The following STK32A variants were observed in gnomAD, a reference collection of about 807,000 sequenced individuals.
STK32A encodes the protein serine/threonine-protein kinase 32A.
In STK32A, 41 loss-of-function variants were observed where a neutral mutation model predicts 53.2. The observed-to-expected ratio is 0.77, with a 90% CI of 0.60 to 1.00. The LOEUF (loss-of-function observed/expected upper bound fraction) is 1.00. Among genes scored for constraint, STK32A ranks in the 50% least tolerant of loss-of-function variants. STK32A has a pLI of 0.00. For missense variants in STK32A, 458 were observed against 485.8 expected (o/e 0.94, Z 0.54); for synonymous variants, 166 against 162.8 (o/e 1.02, Z -0.15).
chr5:147,293,646 A>G (rs1237262241), intron 4 of STK32A, among the ~76,000 whole-genome samples: 1 of 152,062 alleles, frequency 6.6e-6, no homozygotes, highest in East Asian at 1.9e-4. Context: ...AAGATTTCAA[A>G]AGCAAAAACT....
intron 11 of STK32A, among the ~76,000 whole-genome samples, chr5:147,380,417 C>T (rs1757406097): frequency 6.6e-6 from 1 of 151,926 alleles, no homozygotes; most frequent in African/African-American, 2.4e-5. Flanking sequence ...TAAACAGGCA[C>T]TCTGAAAGAA....
intron 7 of STK32A, among the ~76,000 whole-genome samples, chr5:147,360,641 A>G (rs1178758479): frequency 1.3e-5 from 2 of 152,190 alleles, no homozygotes; most frequent in African/African-American, 4.8e-5. Flanking sequence ...AATGATCACA[A>G]CTATTGCTTG....
At position 147,351,062 on chromosome 5, in the gene STK32A, C is replaced by A. The variant is rs114150264; in HGVS notation, c.473-3C>A. On this transcript the variant is annotated splice_polypyrimidine_tract_variant and splice_region_variant and intron_variant, in intron 6 of 12. Coordinates refer to ENST00000397936, the MANE Select transcript of STK32A (RefSeq NM_001112724.2). ...TTTCTGTGTGGTTCTTCTCTCTCTG[C>A]AGGGCACGTGCACATCACAGATTTC... 3,324 of 1,613,396 alleles carry A rather than the reference C, an allele frequency of 2.1e-3. 71 individuals carry two copies. In the African/African-American group the frequency reaches 0.039, roughly 19 times the overall value.
Position 147,387,162 on chromosome 5 carries a change from C to A in STK32A, c.*3179C>A, listed in dbSNP as rs533710096. 1 of 152,318 alleles carries A rather than the reference C, an allele frequency of 6.6e-6. No homozygotes were observed. Among genetic ancestry groups the A allele is most frequent in the South Asian group, 2.1e-4 (1 of 4,830 alleles). 9.4% of individuals were successfully genotyped at this position (152,318 alleles called of 1,614,324 possible). A position where few individuals can be genotyped will look rare whatever the true frequency, so the allele number is the denominator to read the frequency against. ...AGGCTCTTGCACTGTGACAGAGCTG[C>A]CCACCTCCAGTACACCCTCAGTGAC... On this transcript the variant is annotated 3_prime_UTR_variant, in exon 13 of 13. Coordinates refer to ENST00000397936, the MANE Select transcript of STK32A (RefSeq NM_001112724.2).
the STK32A span, chr5:147,394,226 T>C: frequency 7.7e-6 from 9 of 1,165,718 alleles, no homozygotes; most frequent in African/African-American, 9.2e-5. Context: ...GTGCAAGATA[T>C]GAAGTGCCTT....
chr5:147,380,905 A>G (rs1581158502), intron 11 of STK32A, among the ~76,000 whole-genome samples: 1 of 152,322 alleles, frequency 6.6e-6, no homozygotes, highest in Admixed American at 6.5e-5. Flanking sequence ...TTTTTTAAAT[A>G]TGTATTAGCC....
intron 4 of STK32A, among the ~76,000 whole-genome samples, chr5:147,321,279 T>A (rs1042204042): frequency 2.6e-5 from 4 of 152,232 alleles, no homozygotes; most frequent in Non-Finnish European, 5.9e-5. Context: ...TCACTCATTT[T>A]AAAAAATCAG....
chr5:147,329,647 G>GCACA (rs10660806), intron 5 of STK32A, among the ~76,000 whole-genome samples: 6,759 of 151,608 alleles, frequency 0.045, 482 homozygotes, highest in African/African-American at 0.15. Context: ...GTGCACGCAC[G>GCACA]CACACACACA....
chr5:147,315,255 CAAAT>C (rs1320119237), intron 4 of STK32A, among the ~76,000 whole-genome samples: 2 of 152,132 alleles, frequency 1.3e-5, no homozygotes, highest in Non-Finnish European at 2.9e-5. Context: ...AGCAGGGACT[CAAAT>C]AGATACTTGC....
chr5:147,244,442 G>A (rs1753702877), intron 2 of STK32A, among the ~76,000 whole-genome samples: 1 of 152,152 alleles, frequency 6.6e-6, no homozygotes, highest in Non-Finnish European at 1.5e-5. Flanking sequence ...GACTCTCTGA[G>A]GAACCATCAT....
Position 147,351,183 on chromosome 5 carries a change from T to A in STK32A, c.562+29T>A, listed in dbSNP as rs779358120. 30 of 1,572,640 alleles carry A rather than the reference T, an allele frequency of 1.9e-5. No individual in the cohort carries two copies. The African/African-American group carries it at 3.7e-4, about 19-fold the overall frequency. On this transcript the variant is annotated intron_variant, in intron 7 of 12. Transcript: ENST00000397936. ...TGGGTTTCATGAGTGTCTTTTTTTTTTCTTTCCTGTAAATACCATTTATTA... is the reference window on the plus strand; with the variant it reads ...TGGGTTTCATGAGTGTCTTTTTTTTATCTTTCCTGTAAATACCATTTATTA...
chr5:147,342,594 T>A (rs1210953559), intron 5 of STK32A: 1 of 167,100 alleles, frequency 6.0e-6, no homozygotes, highest in African/African-American at 2.4e-5. Context: ...TAAGCTCACA[T>A]CATCTGTGCA....
intron 8 of STK32A, among the ~76,000 whole-genome samples, chr5:147,362,566 C>T (rs1262567042): frequency 6.6e-6 from 1 of 152,206 alleles, no homozygotes; most frequent in African/African-American, 2.4e-5. Flanking sequence ...GGGACACAAA[C>T]ATTCAGTCCA....
intron 2 of STK32A, among the ~76,000 whole-genome samples, chr5:147,257,354 A>T (rs1754281373): frequency 6.6e-6 from 1 of 152,086 alleles, no homozygotes; most frequent in Admixed American, 6.6e-5. Flanking sequence ...GACAGTCAGG[A>T]GGCACAGAGG....
chr5:147,380,078 T>A (rs1352514205), intron 11 of STK32A, among the ~76,000 whole-genome samples: 1 of 152,144 alleles, frequency 6.6e-6, no homozygotes, highest in Non-Finnish European at 1.5e-5. Flanking sequence ...CAAGTATGTA[T>A]TTCATATCTT....
chr5:147,356,793 A>G (rs888550766), intron 7 of STK32A, among the ~76,000 whole-genome samples: 3 of 152,074 alleles, frequency 2.0e-5, no homozygotes, highest in African/African-American at 7.2e-5. Context: ...TAGTGCAAAT[A>G]TTTCAAAATC....
intron 4 of STK32A, among the ~76,000 whole-genome samples, chr5:147,283,153 A>G (rs1752144347): frequency 6.6e-6 from 1 of 152,222 alleles, no homozygotes; most frequent in Non-Finnish European, 1.5e-5. Flanking sequence ...CTTCAAAACC[A>G]TGCAAATACA....
At chr5:147,285,531 A>G (rs1752286673) in intron 4 of STK32A, among the ~76,000 whole-genome samples, 1 of 152,144 alleles carries the variant, frequency 6.6e-6, no homozygotes, top group South Asian at 2.1e-4. Flanking sequence ...GAAAATCTTC[A>G]CAATCTATAC....
chr5:147,237,930 T>A (rs1039078118), intron 1 of STK32A, among the ~76,000 whole-genome samples: 1 of 152,180 alleles, frequency 6.6e-6, no homozygotes, highest in Admixed American at 6.5e-5. Context: ...TCCCTTCACA[T>A]GTAAAGAGCT....
Sources: gnomAD v4.1 joint callset for allele counts (sites outside exome capture counted in the v4.1 genomes callset) on GRCh38, gnomAD v4.1.1 for gene constraint, MANE v1.5 for transcripts, NCBI Gene and HGNC (gene_info 2026-07-23, HGNC 2026-07-21) for gene names.